Variants in LRMDA observed in about 807,000 individuals in gnomAD.
LRMDA encodes the protein leucine rich melanocyte differentiation associated.
A neutral mutation model predicts 29.8 loss-of-function variants in LRMDA; 18 were observed. That is an observed-to-expected ratio of 0.60 (90% CI 0.42 to 0.90). The LOEUF (loss-of-function observed/expected upper bound fraction) is 0.90, where lower values mean the gene tolerates loss of function less well. Ranked by LOEUF, LRMDA falls within the 40% of genes least tolerant of loss-of-function variation. The pLI, the probability that LRMDA is intolerant of heterozygous loss-of-function variation, is 0.00. For synonymous variants in LRMDA, 125 were observed against 109.4 expected (o/e 1.14, Z -0.89); for missense variants, 273 against 273.9 (o/e 1.00, Z 0.02).
chr10:76,332,160 G>A (rs984885448), intron 6 of LRMDA, among the ~76,000 whole-genome samples: 1 of 152,124 alleles, frequency 6.6e-6, no homozygotes, highest in Non-Finnish European at 1.5e-5. Flanking sequence ...TAAAACTTCC[G>A]CATATATATA....
At chr10:76,127,397 G>A (rs926838415) in intron 5 of LRMDA, among the ~76,000 whole-genome samples, 2 of 152,174 alleles carry the variant, frequency 1.3e-5, no homozygotes, top group African/African-American at 4.8e-5. Flanking sequence ...TATACTGGCT[G>A]CAGCACATCA....
intron 2 of LRMDA, among the ~76,000 whole-genome samples, chr10:75,578,144 A>T (rs891666170): frequency 2.7e-5 from 4 of 146,152 alleles, no homozygotes; most frequent in African/African-American, 7.5e-5. Flanking sequence ...CAGGAGACCC[A>T]TCTCATGTGC....
intron 2 of LRMDA, among the ~76,000 whole-genome samples, chr10:75,736,901 A>C (rs1002594466): frequency 6.6e-6 from 1 of 152,188 alleles, no homozygotes; most frequent in Non-Finnish European, 1.5e-5. Flanking sequence ...GCCAACTGCC[A>C]GCTATTTAGC....
intron 5 of LRMDA, among the ~76,000 whole-genome samples, chr10:76,198,542 A>G (rs1851372238): frequency 6.6e-6 from 1 of 152,238 alleles, no homozygotes; most frequent in Non-Finnish European, 1.5e-5. Context: ...AAGAAGACTA[A>G]TGGCCTGCTT....
intron 5 of LRMDA, among the ~76,000 whole-genome samples, chr10:76,258,212 G>T (rs1278753439): frequency 3.3e-5 from 5 of 152,202 alleles, no homozygotes; most frequent in Non-Finnish European, 7.3e-5. Context: ...CATAAGGGTT[G>T]TGTTATCTCC....
chr10:75,821,750 CAGAG>C (rs762731933), intron 2 of LRMDA, among the ~76,000 whole-genome samples: 2 of 150,444 alleles, frequency 1.3e-5, no homozygotes, highest in African/African-American at 2.4e-5. Flanking sequence ...GCCTGGGCGA[CAGAG>C]AGAGACTCCA....
At chr10:75,769,686 A>T (rs117137235) in intron 2 of LRMDA, among the ~76,000 whole-genome samples, 2,582 of 152,318 alleles carry the variant, frequency 0.017, 44 homozygotes, top group Middle Eastern at 0.071. Context: ...AAATTTTAAC[A>T]TATCAAAATT....
chr10:75,770,495 CAGTCAGCCAAA>C (rs575305516), intron 2 of LRMDA, among the ~76,000 whole-genome samples: 204 of 152,304 alleles, frequency 1.3e-3, no homozygotes, highest in South Asian at 0.013. Flanking sequence ...TAGCATTAAA[CAGTCAGCCAAA>C]AGTAAGCCTT....
At position 76,161,237 on chromosome 10, in the gene LRMDA, G is replaced by T. The variant is rs572647233; in HGVS notation, c.516+102454G>T. On this transcript the variant is annotated intron_variant, in intron 5 of 6. Coordinates refer to ENST00000611255, the MANE Select transcript of LRMDA (RefSeq NM_001305581.2). ...TTTAAGTGAATGAGCAATAACACCG[G>T]AATAAAAGAGCTCAAAACAGAGCCA... Among the ~76,000 whole-genome samples the T allele has an allele frequency of 3.3e-5, 5 of 152,100 alleles. No individual in the cohort carries two copies. In the South Asian group the frequency reaches 6.2e-4, roughly 19 times the overall value.
chr10:75,581,592 T>C (rs1589192760), intron 2 of LRMDA, among the ~76,000 whole-genome samples: 1 of 152,088 alleles, frequency 6.6e-6, no homozygotes, highest in South Asian at 2.1e-4. Flanking sequence ...TTATAAGTCA[T>C]TGTACTATGC....
At chr10:75,654,583 G>T (rs1841643685) in intron 2 of LRMDA, among the ~76,000 whole-genome samples, 2 of 152,032 alleles carry the variant, frequency 1.3e-5, no homozygotes, top group African/African-American at 4.8e-5. Context: ...CTTTATTCTA[G>T]AAATATTTCC....
intron 2 of LRMDA, among the ~76,000 whole-genome samples, chr10:75,975,862 C>T (rs1847060700): frequency 6.6e-6 from 1 of 152,182 alleles, no homozygotes; most frequent in South Asian, 2.1e-4. Flanking sequence ...ATCACAGAGT[C>T]CTGTCAGCTC....
chr10:75,799,600 C>T (rs1252525075), intron 2 of LRMDA, among the ~76,000 whole-genome samples: 7 of 151,366 alleles, frequency 4.6e-5, no homozygotes, highest in East Asian at 1.9e-4. Flanking sequence ...CTGCAACCTC[C>T]GCCTCCCGGG....
chr10:75,831,482 G>A (rs781078953), intron 2 of LRMDA, among the ~76,000 whole-genome samples: 8 of 152,158 alleles, frequency 5.3e-5, no homozygotes, highest in African/African-American at 9.7e-5. Context: ...GTATAGCGCC[G>A]CTCCTGGCTG....
intron 6 of LRMDA, among the ~76,000 whole-genome samples, chr10:76,496,813 G>A (rs1842881878): frequency 1.3e-5 from 1 of 75,048 alleles, no homozygotes; most frequent in African/African-American, 3.3e-5. Context: ...GAATCTGCAT[G>A]TGTGACTAAT....
At chr10:75,768,212 C>A (rs531808506) in intron 2 of LRMDA, among the ~76,000 whole-genome samples, 2 of 152,296 alleles carry the variant, frequency 1.3e-5, no homozygotes, top group African/African-American at 4.8e-5. Context: ...TCGTGGCACT[C>A]CCAGAAGTTG....
At chr10:76,463,959 C>T (rs1842538639) in intron 6 of LRMDA, among the ~76,000 whole-genome samples, 2 of 119,548 alleles carry the variant, frequency 1.7e-5, no homozygotes, top group Non-Finnish European at 3.4e-5. Context: ...TTCTGTGTCA[C>T]CCAGGCTGGC....
intron 6 of LRMDA, among the ~76,000 whole-genome samples, chr10:76,397,986 T>C (rs1318669899): frequency 1.3e-5 from 2 of 152,232 alleles, no homozygotes; most frequent in Admixed American, 6.5e-5. Flanking sequence ...TTTCTCTAAA[T>C]ATATTATGCC....
chr10:76,378,212 T>C (rs1353918752), intron 6 of LRMDA, among the ~76,000 whole-genome samples: 1 of 152,204 alleles, frequency 6.6e-6, no homozygotes, highest in African/African-American at 2.4e-5. Context: ...ATAGAAATGC[T>C]ACTGATTTTT....
Sources: gnomAD v4.1 joint callset for allele counts (sites outside exome capture counted in the v4.1 genomes callset) on GRCh38, gnomAD v4.1.1 for gene constraint, MANE v1.5 for transcripts, NCBI Gene and HGNC (gene_info 2026-07-23, HGNC 2026-07-21) for gene names.